Variants in RABEP1 observed in about 807,000 individuals in gnomAD.
RABEP1 encodes the protein rabaptin, RAB GTPase binding effector protein 1, also known as rab GTPase-binding effector protein 1.
A neutral mutation model predicts 123.4 loss-of-function variants in RABEP1; 51 were observed. The ratio of observed to expected loss-of-function variants is 0.41; its 90% CI spans 0.33 to 0.52. The LOEUF is 0.52. Ranked by LOEUF, RABEP1 falls within the 20% of genes least tolerant of loss-of-function variation. The pLI is 0.16. For missense variants in RABEP1, 888 were observed against 996.3 expected, an observed-to-expected ratio of 0.89 and a Z score of 1.46; for synonymous variants, 347 against 355.2, an observed-to-expected ratio of 0.98 and a Z score of 0.26.
intron 13 of RABEP1, among the ~76,000 whole-genome samples, chr17:5,374,716 T>G (rs1005681954): frequency 6.6e-6 from 1 of 152,226 alleles, no homozygotes; most frequent in African/African-American, 2.4e-5. Context: ...CTAGGCTTAC[T>G]GCAACCTCTG....
chr17:5,358,589 C>T (rs78975364), intron 8 of RABEP1, among the ~76,000 whole-genome samples: 9,399 of 151,634 alleles, frequency 0.062, 403 homozygotes, highest in South Asian at 0.11. Context: ...GAGAATCCCT[C>T]GAGCTCAGGA....
At chr17:5,330,625 G>A (rs1217649775) in intron 2 of RABEP1, among the ~76,000 whole-genome samples, 1 of 152,090 alleles carries the variant, frequency 6.6e-6, no homozygotes. Context: ...TTATTTTCAT[G>A]GTCAGTTTGG....
At chr17:5,305,465 C>G (rs2075171651) in intron 1 of RABEP1, among the ~76,000 whole-genome samples, 1 of 152,042 alleles carries the variant, frequency 6.6e-6, no homozygotes, top group Admixed American at 6.6e-5. Flanking sequence ...TCTTTAACAG[C>G]TGCATTTTTG....
chr17:5,319,360 A>G (rs1276198941), intron 2 of RABEP1, among the ~76,000 whole-genome samples: 1 of 136,308 alleles, frequency 7.3e-6, no homozygotes, highest in Non-Finnish European at 1.6e-5. Context: ...CAAAAAAAAA[A>G]AACATATATA....
At chr17:5,292,930 C>T (rs2075046673) in intron 1 of RABEP1, among the ~76,000 whole-genome samples, 1 of 152,174 alleles carries the variant, frequency 6.6e-6, no homozygotes, top group Non-Finnish European at 1.5e-5. Flanking sequence ...CATCTGCCTG[C>T]CTTGGCATCT....
intron 2 of RABEP1, among the ~76,000 whole-genome samples, chr17:5,327,423 A>G (rs1906089633): frequency 6.6e-6 from 1 of 152,138 alleles, no homozygotes; most frequent in African/African-American, 2.4e-5. Flanking sequence ...GATGTTTGGC[A>G]GTATGATGTT....
chr17:5,376,035 G>A (rs1170784300), intron 13 of RABEP1, among the ~76,000 whole-genome samples: 1 of 152,046 alleles, frequency 6.6e-6, no homozygotes, highest in Non-Finnish European at 1.5e-5. Flanking sequence ...ACCATGTCTG[G>A]CTACCATGTT....
At chr17:5,375,705 T>C (rs1910934887) in intron 13 of RABEP1, among the ~76,000 whole-genome samples, 1 of 151,052 alleles carries the variant, frequency 6.6e-6, no homozygotes, top group Non-Finnish European at 1.5e-5. Flanking sequence ...GGACCCTGTC[T>C]CAATTAAAAA....
chr17:5,377,290 T>C lies in RABEP1; in HGVS notation c.2200T>C (p.Cys734Arg), dbSNP rs1268739260. ...EETLQLEIEN[C>R]KEEIASISSL... ...AACTCTGCAACTAGAAATAGAAAAC[T>C]GCAAGGAGGAAATAGGTGAAGATAA... Residue 734 changes from cysteine (C) to arginine (R), a missense_variant, in exon 14 of 18, where the codon TGC becomes CGC. By Grantham distance (180) the Cys-to-Arg change is radical. Coordinates refer to ENST00000537505, the MANE Select transcript of RABEP1 (RefSeq NM_004703.6). The C allele has an allele frequency of 4.4e-6, 7 of 1,584,170 alleles. No individual in the cohort carries two copies. Among genetic ancestry groups the C allele is most frequent in the Non-Finnish European group, 6.0e-6 (7 of 1,172,594 alleles).
In RABEP1 at chr17:5,385,967, G is replaced by C; in HGVS notation, c.*2744G>C. 2.1e-6 allele frequency: 1 copy of C among 469,030 alleles called. No homozygotes were observed. The highest frequency in any genetic ancestry group is 3.5e-5 in the East Asian group (1 of 28,756). 29.1% of individuals were successfully genotyped at this position (469,030 alleles called of 1,614,324 possible). A position where few individuals can be genotyped will look rare whatever the true frequency, so the allele number is the denominator to read the frequency against. On this transcript the variant is annotated 3_prime_UTR_variant, in exon 18 of 18. Coordinates refer to ENST00000537505, the MANE Select transcript of RABEP1 (RefSeq NM_004703.6). ...TTCAGGGAGGTTCTGGCAGTGTGCA[G>C]TGTGAAATAATCCTGAGTCCTTGCT...
intron 1 of RABEP1, among the ~76,000 whole-genome samples, chr17:5,302,243 C>CGTTTTTTTT (rs1567869348): frequency 4.6e-5 from 1 of 21,566 alleles, no homozygotes; most frequent in Non-Finnish European, 7.0e-5. Context: ...TTACTGAAAA[C>CGTTTTTTTT]ATTTTTTTTT....
At chr17:5,359,876 A>G (rs541661119) in intron 8 of RABEP1, among the ~76,000 whole-genome samples, 74 of 152,264 alleles carry the variant, frequency 4.9e-4, no homozygotes, top group African/African-American at 1.7e-3. Flanking sequence ...CATTTTTCTT[A>G]TTTCCCACTA....
chr17:5,286,771 T>C (rs913150221), intron 1 of RABEP1, among the ~76,000 whole-genome samples: 7 of 152,074 alleles, frequency 4.6e-5, no homozygotes, highest in Non-Finnish European at 8.8e-5. Context: ...TGCCCTAGTG[T>C]GGGAGAAACG....
rs74266330 is a variant in RABEP1, at chr17:5,289,419, C to CT, written c.34+6915dup. On this transcript the variant is annotated intron_variant, in intron 1 of 17. Transcript: ENST00000537505. Reference sequence around the variant, plus strand: ...GCTTTAATTTTTATGTAGATCTGACCTTTTTTTTTTTTTTTTAAATTTATG... The same window carrying CT: ...GCTTTAATTTTTATGTAGATCTGACCTTTTTTTTTTTTTTTTTAAATTTATG... 5.3e-3 allele frequency among the ~76,000 whole-genome samples: 703 copies of CT among 132,612 alleles called. 1 individual carries two copies. The highest frequency in any genetic ancestry group is 0.012 in the Middle Eastern group (3 of 248). The allele number at this position is 132,612 out of a possible 152,430, so 87.0% of individuals were successfully genotyped here. A position where few individuals can be genotyped will look rare whatever the true frequency, so the allele number is the denominator to read the frequency against.
At chr17:5,341,036 G>C (rs1396163825) in intron 5 of RABEP1, among the ~76,000 whole-genome samples, 12 of 151,148 alleles carry the variant, frequency 7.9e-5, no homozygotes, top group Admixed American at 6.6e-4. Flanking sequence ...AAGAACAATA[G>C]AGACTATCAA....
intron 11 of RABEP1, among the ~76,000 whole-genome samples, chr17:5,367,418 C>G (rs184081308): frequency 1.2e-4 from 18 of 151,608 alleles, no homozygotes; most frequent in East Asian, 2.0e-4. Context: ...ACTACAGGCA[C>G]CCGCCACCAC....
chr17:5,286,450 T>C (rs147813307), intron 1 of RABEP1, among the ~76,000 whole-genome samples: 7,700 of 152,034 alleles, frequency 0.051, 332 homozygotes, highest in African/African-American at 0.12. Context: ...GCCGAGATCG[T>C]GCCACTGCAC....
At chr17:5,358,469 G>C (rs963452775) in intron 8 of RABEP1, among the ~76,000 whole-genome samples, 1 of 152,066 alleles carries the variant, frequency 6.6e-6, no homozygotes, top group Non-Finnish European at 1.5e-5. Flanking sequence ...CCAGGAGTTT[G>C]AGACCAGCCT....
intron 7 of RABEP1, among the ~76,000 whole-genome samples, chr17:5,351,064 C>T (rs907143784): frequency 4.6e-5 from 7 of 152,058 alleles, no homozygotes; most frequent in South Asian, 2.1e-4. Context: ...CATCAGCTAT[C>T]GTTAGCGTCA....
Sources: allele counts gnomAD v4.1 joint callset (sites outside exome capture counted in the v4.1 genomes callset), GRCh38; gene constraint gnomAD v4.1.1; transcripts MANE v1.5; gene names NCBI Gene and HGNC (gene_info 2026-07-23, HGNC 2026-07-21).